The following PRKN variants were observed in gnomAD, a reference collection of about 807,000 sequenced individuals.
PRKN encodes E3 ubiquitin-protein ligase parkin.
Under a neutral mutation model 59.5 loss-of-function variants are expected in PRKN, and 56 were observed. The ratio of observed to expected loss-of-function variants is 0.94; its 90% CI spans 0.76 to 1.18. The LOEUF is 1.18. PRKN is among the 50% of genes most tolerant of loss of function. PRKN has a pLI of 0.00. For synonymous variants in PRKN, 250 were observed against 222.1 expected, an observed-to-expected ratio of 1.13 and a Z score of -1.12; for missense variants, 657 against 596.4, an observed-to-expected ratio of 1.10 and a Z score of -1.06.
chr6:162,485,786 A>C (rs531170696), intron 1 of PRKN, among the ~76,000 whole-genome samples: 1 of 152,324 alleles, frequency 6.6e-6, no homozygotes, highest in East Asian at 1.9e-4. Flanking sequence ...GCACAGACAC[A>C]GGTGATTGAG....
chr6:162,243,307 C>T (rs192156126), intron 3 of PRKN, among the ~76,000 whole-genome samples: 1 of 152,118 alleles, frequency 6.6e-6, no homozygotes, highest in Admixed American at 6.6e-5. Context: ...TCACAGACTC[C>T]AAGGGTTAAT....
At chr6:162,318,862 A>T (rs1782864452) in intron 2 of PRKN, among the ~76,000 whole-genome samples, 1 of 152,098 alleles carries the variant, frequency 6.6e-6, no homozygotes, top group Non-Finnish European at 1.5e-5. Context: ...ATTGATCAGC[A>T]TGCTACATTT....
At chr6:162,229,138 T>C (rs1484614081) in intron 3 of PRKN, among the ~76,000 whole-genome samples, 3 of 152,196 alleles carry the variant, frequency 2.0e-5, no homozygotes, top group African/African-American at 4.8e-5. Flanking sequence ...CAGCAAATTG[T>C]CTCCCTGACT....
At position 161,695,987 on chromosome 6, in the gene PRKN, C is replaced by T. The variant is rs574440472; in HGVS notation, c.871+89785G>A. 4.6e-5 allele frequency among the ~76,000 whole-genome samples: 7 copies of T among 152,304 alleles called. No individual in the cohort carries two copies. In the South Asian group the frequency reaches 1.5e-3, roughly 32 times the overall value. ...AGTGTTTAAAAACAGGCCATGCATT[C>T]TCATATCTGCATAGAACATCCAAGC... On this transcript the variant is annotated intron_variant, in intron 7 of 11. Transcript: ENST00000366898.
intron 5 of PRKN, among the ~76,000 whole-genome samples, chr6:161,983,916 AAAAAT>A (rs1237698483): frequency 2.0e-5 from 3 of 148,492 alleles, no homozygotes; most frequent in Admixed American, 6.7e-5. Flanking sequence ...TAAAAAAAAA[AAAAAT>A]AAAATAAAAG....
At chr6:161,730,387 A>G (rs1258341130) in intron 7 of PRKN, among the ~76,000 whole-genome samples, 7 of 145,246 alleles carry the variant, frequency 4.8e-5, no homozygotes, top group African/African-American at 1.8e-4. Context: ...ATTCTTTCAG[A>G]TATGTTGCAT....
chr6:161,798,253 G>C (rs1790934073), intron 6 of PRKN, among the ~76,000 whole-genome samples: 1 of 152,118 alleles, frequency 6.6e-6, no homozygotes, highest in Admixed American at 6.5e-5. Context: ...ATGAGTTCAG[G>C]TGCAAACCCA....
intron 2 of PRKN, among the ~76,000 whole-genome samples, chr6:162,439,985 C>G (rs1467443210): frequency 3.3e-5 from 5 of 152,108 alleles, no homozygotes; most frequent in African/African-American, 7.2e-5. Flanking sequence ...CTCCATGACT[C>G]CACGAGTCAA....
chr6:162,062,890 C>T (rs1778157112), intron 4 of PRKN, among the ~76,000 whole-genome samples: 1 of 152,044 alleles, frequency 6.6e-6, no homozygotes, highest in South Asian at 2.1e-4. Context: ...TCTATTTACA[C>T]AAATTATTCT....
chr6:162,498,393 C>CTTTT (rs60024002), intron 1 of PRKN, among the ~76,000 whole-genome samples: 5 of 21,564 alleles, frequency 2.3e-4, no homozygotes, highest in African/African-American at 6.0e-4. Flanking sequence ...TCTTTCTTTC[C>CTTTT]TTTTTTTTTT....
At chr6:162,305,746 T>C (rs1464016936) in intron 2 of PRKN, among the ~76,000 whole-genome samples, 2 of 152,172 alleles carry the variant, frequency 1.3e-5, no homozygotes, top group Non-Finnish European at 1.5e-5. Context: ...TTTTGGTGTA[T>C]TTTAAAGTAT....
intron 5 of PRKN, among the ~76,000 whole-genome samples, chr6:162,040,911 T>C (rs1381878170): frequency 3.3e-5 from 5 of 151,156 alleles, no homozygotes; most frequent in African/African-American, 1.2e-4. Flanking sequence ...GTCATGCAGC[T>C]GAGAGGGAAG....
chr6:162,304,523 CTATCT>C lies in PRKN; in HGVS notation c.172-41763_172-41759del, dbSNP rs1374503896. Among the ~76,000 whole-genome samples, 14 of 141,482 alleles carry C rather than the reference CTATCT, an allele frequency of 9.9e-5. No homozygotes were observed. The South Asian group carries it at 2.0e-3, about 21-fold the overall frequency. The allele number at this position is 141,482 out of a possible 152,430, so 92.8% of individuals were successfully genotyped here. A position where few individuals can be genotyped will look rare whatever the true frequency, so the allele number is the denominator to read the frequency against. On this transcript the variant is annotated intron_variant, in intron 2 of 11. Coordinates refer to ENST00000366898, the MANE Select transcript of PRKN (RefSeq NM_004562.3). ...TCTATCTATCTATCTATCTATCTAT[CTATCT>C]ATCTATCTATCTATCTATTTATCCA...
At position 161,858,219 on chromosome 6, in the gene PRKN, C is replaced by A. The variant is rs117980877; in HGVS notation, c.735-72311G>T. 1.8e-4 allele frequency among the ~76,000 whole-genome samples: 27 copies of A among 152,262 alleles called. No individual in the cohort carries two copies. In the East Asian group the frequency reaches 4.8e-3, roughly 27 times the overall value. ...TTTGCTTCAATGATTTGCTAAGAAT[C>A]CATAAGGATAACCTATTCAGATACT... On this transcript the variant is annotated intron_variant, in intron 6 of 11. Coordinates refer to ENST00000366898, the MANE Select transcript of PRKN (RefSeq NM_004562.3).
At chr6:162,320,195 T>G (rs1782932363) in intron 2 of PRKN, among the ~76,000 whole-genome samples, 1 of 151,888 alleles carries the variant, frequency 6.6e-6, no homozygotes, top group African/African-American at 2.4e-5. Context: ...GCCAGTTTCT[T>G]TATCCAATCA....
At chr6:161,949,876 C>T (rs1384023723) in intron 6 of PRKN, among the ~76,000 whole-genome samples, 2 of 152,220 alleles carry the variant, frequency 1.3e-5, no homozygotes, top group African/African-American at 4.8e-5. Flanking sequence ...TCCAGGTCAG[C>T]TCAATTTAAC....
intron 1 of PRKN, chr6:162,568,655 G>A (rs986509357): frequency 8.7e-6 from 8 of 921,226 alleles, no homozygotes; most frequent in Middle Eastern, 2.3e-4. Flanking sequence ...TGGAGCAGCA[G>A]AACAACATGC....
At position 162,186,756 on chromosome 6, in the gene PRKN, G is replaced by A. The variant is rs547368797; in HGVS notation, c.534+14375C>T. ...ACAAGATCCGTTTGTTTAAAAGTGC[G>A]TAGCACCTCCTCCTCACTCTGGACA... On this transcript the variant is annotated intron_variant, in intron 4 of 11. Transcript: ENST00000366898. Among the ~76,000 whole-genome samples, 74 of 152,256 alleles carry A rather than the reference G, an allele frequency of 4.9e-4. 1 individual carries two copies. Among genetic ancestry groups the A allele is most frequent in the Non-Finnish European group, 7.5e-4 (51 of 68,016 alleles).
intron 3 of PRKN, among the ~76,000 whole-genome samples, chr6:162,256,168 T>G (rs1277501063): frequency 6.6e-6 from 1 of 152,156 alleles, no homozygotes; most frequent in Non-Finnish European, 1.5e-5. Flanking sequence ...CCTGATTCTG[T>G]GAAATTATCA....
Sources: gnomAD v4.1 joint callset for allele counts (sites outside exome capture counted in the v4.1 genomes callset) on GRCh38, gnomAD v4.1.1 for gene constraint, MANE v1.5 for transcripts, NCBI Gene and HGNC (gene_info 2026-07-23, HGNC 2026-07-21) for gene names.